EXOC6B: variants seen among roughly 807,000 people sequenced by gnomAD.
The protein encoded by EXOC6B is SEC15 homolog B.
In EXOC6B, 54 loss-of-function variants were observed where a neutral mutation model predicts 113.5. The ratio of observed to expected loss-of-function variants is 0.48; its 90% CI spans 0.38 to 0.60. The LOEUF is 0.60. EXOC6B is among the 20% of genes least tolerant of loss of function. The probability of loss-of-function intolerance (pLI) is 0.00; values close to 1 mark genes in which losing one functional copy is unlikely to be tolerated. For missense variants in EXOC6B, 797 were observed against 977.5 expected (o/e 0.82, Z 2.46); for synonymous variants, 357 against 339.0 (o/e 1.05, Z -0.58).
At chr2:72,677,413 T>A (rs1676395121) in intron 6 of EXOC6B, among the ~76,000 whole-genome samples, 1 of 152,074 alleles carries the variant, frequency 6.6e-6, no homozygotes, top group African/African-American at 2.4e-5. Context: ...GTATAATAAG[T>A]ATCAGCAAAC....
chr2:72,258,519 C>T (rs530564680), intron 20 of EXOC6B, among the ~76,000 whole-genome samples: 101 of 151,418 alleles, frequency 6.7e-4, no homozygotes, highest in African/African-American at 2.3e-3. Flanking sequence ...TGAACCACCA[C>T]TCCTGGCTAA....
intron 11 of EXOC6B, among the ~76,000 whole-genome samples, chr2:72,506,407 C>T (rs1700597607): frequency 6.6e-6 from 1 of 152,130 alleles, no homozygotes; most frequent in African/African-American, 2.4e-5. Flanking sequence ...AGATTAGACT[C>T]TCCATCTTGA....
At chr2:72,446,491 G>A (rs1444050769) in intron 18 of EXOC6B, among the ~76,000 whole-genome samples, 1 of 152,118 alleles carries the variant, frequency 6.6e-6, no homozygotes, top group Non-Finnish European at 1.5e-5. Context: ...ATGGAGCTGA[G>A]GCTATTATCC....
At chr2:72,501,725 A>C (rs1429127056) in intron 11 of EXOC6B, among the ~76,000 whole-genome samples, 9 of 148,754 alleles carry the variant, frequency 6.1e-5, no homozygotes, top group East Asian at 2.0e-4. Context: ...AAACAACAAC[A>C]ACCAAAAAAA....
chr2:72,345,767 A>G (rs560245903), intron 19 of EXOC6B, among the ~76,000 whole-genome samples: 2 of 152,306 alleles, frequency 1.3e-5, no homozygotes, highest in South Asian at 4.1e-4. Context: ...ATGTTACTAT[A>G]TATTTGTCCA....
At chr2:72,474,472 T>G (rs997087858) in intron 17 of EXOC6B, among the ~76,000 whole-genome samples, 1 of 152,074 alleles carries the variant, frequency 6.6e-6, no homozygotes, top group Non-Finnish European at 1.5e-5. Flanking sequence ...TAGTTGTTTT[T>G]TCTTTTATTT....
intron 19 of EXOC6B, 28 bp from the exon 20 acceptor site, chr2:72,335,048 C>A: frequency 6.2e-7 from 1 of 1,603,942 alleles, no homozygotes; most frequent in Non-Finnish European, 8.5e-7. Context: ...GGATAAAAAG[C>A]GCCTTTAACT....
intron 1 of EXOC6B, among the ~76,000 whole-genome samples, chr2:72,783,280 C>G (rs1573790112): frequency 6.9e-6 from 1 of 145,374 alleles, no homozygotes; most frequent in African/African-American, 2.5e-5. Flanking sequence ...TGGTGTTGAG[C>G]ATTTTTAATA....
intron 6 of EXOC6B, among the ~76,000 whole-genome samples, chr2:72,601,894 C>CT (rs1309402247): frequency 6.6e-6 from 1 of 152,076 alleles, no homozygotes; most frequent in Admixed American, 6.5e-5. Context: ...ATGCATACTG[C>CT]TAAGTGAAAG....
At chr2:72,585,685 G>C (rs1160600572) in intron 6 of EXOC6B, among the ~76,000 whole-genome samples, 1 of 151,672 alleles carries the variant, frequency 6.6e-6, no homozygotes, top group African/African-American at 2.4e-5. Flanking sequence ...TGCACACAAA[G>C]TGGAAAATCT....
At chr2:72,300,823 C>A (rs1686470394) in intron 20 of EXOC6B, among the ~76,000 whole-genome samples, 1 of 152,088 alleles carries the variant, frequency 6.6e-6, no homozygotes, top group South Asian at 2.1e-4. Flanking sequence ...GAGGCGATGC[C>A]CCACCCTGCT....
chr2:72,205,745 T>C (rs1679803713), intron 20 of EXOC6B, among the ~76,000 whole-genome samples: 1 of 152,150 alleles, frequency 6.6e-6, no homozygotes, highest in Non-Finnish European at 1.5e-5. Context: ...GCTCTGACTC[T>C]CAGCAAGATC....
intron 6 of EXOC6B, among the ~76,000 whole-genome samples, chr2:72,709,401 T>A (rs574341437): frequency 5.9e-5 from 9 of 152,266 alleles, no homozygotes; most frequent in Non-Finnish European, 1.0e-4. Context: ...GGAGGGCACA[T>A]CGCAGGGATT....
chr2:72,567,745 T>C (rs1016812385), intron 7 of EXOC6B, among the ~76,000 whole-genome samples: 1 of 151,784 alleles, frequency 6.6e-6, no homozygotes, highest in African/African-American at 2.4e-5. Context: ...TTGGAACAAG[T>C]GGAAAATGAA....
intron 19 of EXOC6B, among the ~76,000 whole-genome samples, chr2:72,348,340 C>CTT (rs1219695266): frequency 6.6e-6 from 1 of 152,044 alleles, no homozygotes; most frequent in Non-Finnish European, 1.5e-5. Context: ...GATCATAGGA[C>CTT]TTTTATTCAG....
At chr2:72,343,505 A>G (rs1174497050) in intron 19 of EXOC6B, among the ~76,000 whole-genome samples, 6 of 152,190 alleles carry the variant, frequency 3.9e-5, no homozygotes, top group African/African-American at 1.4e-4. Context: ...ATGTACCTTG[A>G]TTGAAATCTT....
intron 8 of EXOC6B, among the ~76,000 whole-genome samples, chr2:72,548,907 C>G (rs1374702630): frequency 6.6e-6 from 1 of 152,022 alleles, no homozygotes; most frequent in East Asian, 1.9e-4. Flanking sequence ...CTGGATGACA[C>G]AAGTAAAAAA....
intron 20 of EXOC6B, among the ~76,000 whole-genome samples, chr2:72,321,555 G>T (rs541386469): frequency 4.2e-5 from 6 of 144,128 alleles, no homozygotes; most frequent in Non-Finnish European, 7.7e-5. Flanking sequence ...AAAAAAAAAT[G>T]GAGTACTAAC....
chr2:72,666,442 A>C (rs951941172), intron 6 of EXOC6B, among the ~76,000 whole-genome samples: 2 of 152,158 alleles, frequency 1.3e-5, no homozygotes, highest in Non-Finnish European at 2.9e-5. Flanking sequence ...CACCCCACAC[A>C]CACTCTCAGA....
Sources: gnomAD v4.1 joint callset for allele counts (sites outside exome capture counted in the v4.1 genomes callset) on GRCh38, gnomAD v4.1.1 for gene constraint, MANE v1.5 for transcripts, NCBI Gene and HGNC (gene_info 2026-07-23, HGNC 2026-07-21) for gene names.